Variants in L2HGDH observed in about 807,000 individuals in gnomAD.
The protein encoded by L2HGDH is L-2-hydroxyglutarate dehydrogenase, mitochondrial.
In L2HGDH, 34 loss-of-function variants were observed where a neutral mutation model predicts 51.5. That is an observed-to-expected ratio of 0.66 (90% CI 0.50 to 0.88). L2HGDH has a LOEUF of 0.88. Ranked by LOEUF, L2HGDH falls within the 40% of genes least tolerant of loss-of-function variation. L2HGDH has a pLI of 0.00. For missense variants in L2HGDH, 558 were observed against 571.9 expected (o/e 0.98, Z 0.25); for synonymous variants, 198 against 197.9 (o/e 1.00, Z -0.01).
At chr14:50,251,619 C>T (rs968075801) in intron 9 of L2HGDH, among the ~76,000 whole-genome samples, 45 of 151,874 alleles carry the variant, frequency 3.0e-4, no homozygotes, top group African/African-American at 1.0e-3. Flanking sequence ...ATTCTAAAAG[C>T]AGCAAGAAAA....
Position 50,302,065 on chromosome 14 carries a change from G to A in L2HGDH, c.360C>T (p.Leu120=), listed in dbSNP as rs1458145201. Residue 120 remains leucine (L), a synonymous_variant, in exon 3 of 10, where the codon CTC becomes CTT. Transcript: ENST00000267436. ...AKLCVQGAAL[L]YEYCQQKGIS... Reference sequence around the variant, plus strand: ...TTCCCTTTTGCTGACAGTACTCATAGAGGAGGGCTGCACCTTGTACACATA... The same window carrying A: ...TTCCCTTTTGCTGACAGTACTCATAAAGGAGGGCTGCACCTTGTACACATA... 1 of 1,613,998 alleles carries A rather than the reference G, an allele frequency of 6.2e-7. No homozygotes were observed. The highest frequency in any genetic ancestry group is 1.3e-5 in the African/African-American group (1 of 74,904).
At chr14:50,307,052 G>T (rs988843966) in intron 1 of L2HGDH, among the ~76,000 whole-genome samples, 1 of 152,020 alleles carries the variant, frequency 6.6e-6, no homozygotes, top group Admixed American at 6.5e-5. Context: ...CTGACCTCAG[G>T]TGATCCACCC....
intron 9 of L2HGDH, among the ~76,000 whole-genome samples, chr14:50,252,052 C>T (rs1325917606): frequency 6.6e-6 from 1 of 150,492 alleles, no homozygotes; most frequent in Admixed American, 6.6e-5. Context: ...AAAATAGTAA[C>T]TACAACAACT....
intron 4 of L2HGDH, chr14:50,287,159 T>C: frequency 1.0e-6 from 1 of 981,800 alleles, no homozygotes; most frequent in Middle Eastern, 5.2e-4. Flanking sequence ...TGCACACATA[T>C]CTCACTGACC....
At chr14:50,282,779 C>T (rs1342621355) in intron 5 of L2HGDH, among the ~76,000 whole-genome samples, 2 of 152,158 alleles carry the variant, frequency 1.3e-5, no homozygotes, top group African/African-American at 4.8e-5. Flanking sequence ...CAGTGGCTCA[C>T]GCCCGTAATT....
At chr14:50,299,778 G>C (rs1378954979) in intron 3 of L2HGDH, 2 of 154,380 alleles carry the variant, frequency 1.3e-5, no homozygotes, top group Non-Finnish European at 2.9e-5. Flanking sequence ...ACTGTGGGAG[G>C]CCAGTTCAGG....
At chr14:50,288,238 A>G (rs879260273) in intron 4 of L2HGDH, among the ~76,000 whole-genome samples, 1 of 152,128 alleles carries the variant, frequency 6.6e-6, no homozygotes, top group Non-Finnish European at 1.5e-5. Context: ...GATTTAGTCT[A>G]TTTTCGGGAA....
Position 50,284,045 on chromosome 14 carries a change from T to C in L2HGDH, c.541-12A>G, listed in dbSNP as rs755495987. The C allele has an allele frequency of 6.2e-7, 1 of 1,610,562 alleles. No individual in the cohort carries two copies. Among genetic ancestry groups the C allele is most frequent in the South Asian group, 1.1e-5 (1 of 91,004 alleles). Reference sequence around the variant, plus strand: ...ATAGCCATTAGACCCTGAAACAGAATTATGAAAAGATAACAGATAAGAGAA... The same window carrying C: ...ATAGCCATTAGACCCTGAAACAGAACTATGAAAAGATAACAGATAAGAGAA... On this transcript the variant is annotated splice_polypyrimidine_tract_variant and intron_variant, in intron 4 of 9. Transcript: ENST00000267436.
intron 9 of L2HGDH, 32 bp downstream of exon 9, chr14:50,265,326 C>T (rs201917411): frequency 2.2e-5 from 35 of 1,587,546 alleles, no homozygotes; most frequent in Non-Finnish European, 3.0e-5. Flanking sequence ...TAGGTCAGGA[C>T]TGTATTTACA....
intron 3 of L2HGDH, among the ~76,000 whole-genome samples, chr14:50,298,290 C>G (rs900553642): frequency 6.6e-6 from 1 of 151,002 alleles, no homozygotes; most frequent in Non-Finnish European, 1.5e-5. Flanking sequence ...CACCTGTGAT[C>G]CCCATTACTC....
In L2HGDH at chr14:50,245,868, T is replaced by C; in HGVS notation, c.*1190A>G. 3.1e-6 allele frequency: 3 copies of C among 967,488 alleles called. No individual in the cohort carries two copies. Among genetic ancestry groups the C allele is most frequent in the Non-Finnish European group, 3.7e-6 (3 of 813,564 alleles). The allele number at this position is 967,488 out of a possible 1,614,324, so 59.9% of individuals were successfully genotyped here. ...TGAGCATGATGGCTCGCACCTGTAA[T>C]CCCAGCATTTTGGGAGGCTGAGGCA... On this transcript the variant is annotated 3_prime_UTR_variant, in exon 10 of 10. Transcript: ENST00000267436.
intron 4 of L2HGDH, chr14:50,293,396 A>G: frequency 1.7e-6 from 1 of 600,766 alleles, no homozygotes; most frequent in South Asian, 2.1e-5. Context: ...CTTTTAGAAA[A>G]ACACATAGAA....
In L2HGDH at chr14:50,243,242, C is replaced by T; in HGVS notation, c.*3816G>A. 1 of 985,340 alleles carries T rather than the reference C, an allele frequency of 1.0e-6. No homozygotes were observed. Among genetic ancestry groups the T allele is most frequent in the Non-Finnish European group, 1.2e-6 (1 of 829,892 alleles). The allele number at this position is 985,340 out of a possible 1,614,324, so 61.0% of individuals were successfully genotyped here. A position where few individuals can be genotyped will look rare whatever the true frequency, so the allele number is the denominator to read the frequency against. On this transcript the variant is annotated 3_prime_UTR_variant, in exon 10 of 10. Transcript: ENST00000267436. ...ACATGAAACACCAAAAATATACTTG[C>T]TGGTACATCAAGAGTTCCTCACAAA...
chr14:50,267,519 T>C (rs1415940612), intron 8 of L2HGDH, among the ~76,000 whole-genome samples: 10 of 152,160 alleles, frequency 6.6e-5, no homozygotes, highest in Non-Finnish European at 1.3e-4. Flanking sequence ...CAGAATTTTC[T>C]TGAAGTAGTT....
intron 9 of L2HGDH, among the ~76,000 whole-genome samples, chr14:50,255,233 GTAT>G (rs1179126631): frequency 4.6e-5 from 7 of 151,824 alleles, no homozygotes; most frequent in Admixed American, 1.3e-4. Flanking sequence ...ACTGAAATAA[GTAT>G]TATTATTTGA....
At chr14:50,252,831 A>C (rs148541766) in intron 9 of L2HGDH, among the ~76,000 whole-genome samples, 1 of 152,256 alleles carries the variant, frequency 6.6e-6, no homozygotes, top group East Asian at 1.9e-4. Context: ...CAATATAATA[A>C]TAGCTGGAGA....
chr14:50,298,136 T>C (rs990973761), intron 3 of L2HGDH, among the ~76,000 whole-genome samples: 5 of 149,164 alleles, frequency 3.4e-5, no homozygotes, highest in Admixed American at 1.3e-4. Flanking sequence ...CCCAGCGACT[T>C]GGGAGGCTGA....
At chr14:50,303,226 A>G (rs1424478747) in intron 1 of L2HGDH, among the ~76,000 whole-genome samples, 5 of 151,952 alleles carry the variant, frequency 3.3e-5, no homozygotes, top group Non-Finnish European at 7.4e-5. Context: ...GATCGAGACC[A>G]TCCTGGCCAA....
chr14:50,302,807 AAACT>A, intron 2 of L2HGDH, 91 bp downstream of exon 2: 1 of 885,996 alleles, frequency 1.1e-6, no homozygotes, highest in East Asian at 2.5e-5. Flanking sequence ...ACAAACTAAG[AAACT>A]AACACTGACA....
Sources: gnomAD v4.1 joint callset for allele counts (sites outside exome capture counted in the v4.1 genomes callset) on GRCh38, gnomAD v4.1.1 for gene constraint, MANE v1.5 for transcripts, NCBI Gene and HGNC (gene_info 2026-07-23, HGNC 2026-07-21) for gene names.